BMPR1B: variants seen among roughly 807,000 people sequenced by gnomAD.
BMPR1B encodes bone morphogenetic protein receptor type-1B.
In BMPR1B, 12 loss-of-function variants were observed where a neutral mutation model predicts 59.1. The ratio of observed to expected loss-of-function variants is 0.20; its 90% confidence interval spans 0.13 to 0.33. The LOEUF (loss-of-function observed/expected upper bound fraction) is 0.33. Among genes scored for constraint, BMPR1B ranks in the 10% least tolerant of loss-of-function variants. The probability of loss-of-function intolerance (pLI) is 1.00; values close to 1 mark genes in which losing one functional copy is unlikely to be tolerated. For missense variants in BMPR1B, 550 were observed against 610.9 expected (o/e 0.90, Z 1.05); for synonymous variants, 237 against 207.3 (o/e 1.14, Z -1.23).
chr4:94,991,415 A>G lies in BMPR1B; in HGVS notation c.-112-4625A>G, dbSNP rs10031567. Among the ~76,000 whole-genome samples, 1,136 of 152,336 alleles carry G rather than the reference A, an allele frequency of 7.5e-3. 16 individuals are homozygous for G. Among genetic ancestry groups the G allele is most frequent in the African/African-American group, 0.026 (1,087 of 41,582 alleles). ...GGCTCAGTTTAGGGACTTGAAGTCT[A>G]TGCTGTTATTGAACCTATATTCTAT... On this transcript the variant is annotated intron_variant, in intron 2 of 12. Transcript: ENST00000515059.
chr4:95,133,799 G>A (rs1733557884), intron 10 of BMPR1B, among the ~76,000 whole-genome samples: 1 of 151,376 alleles, frequency 6.6e-6, no homozygotes, highest in Non-Finnish European at 1.5e-5. Flanking sequence ...CAAACTCCTG[G>A]ACTCAAGTGA....
intron 2 of BMPR1B, among the ~76,000 whole-genome samples, chr4:94,883,861 C>G (rs1408863543): frequency 6.6e-6 from 1 of 152,026 alleles, no homozygotes; most frequent in Admixed American, 6.6e-5. Context: ...ACTGTTGATT[C>G]CCTAGAACCT....
At chr4:95,026,722 C>A (rs1218532155) in intron 3 of BMPR1B, among the ~76,000 whole-genome samples, 2 of 137,260 alleles carry the variant, frequency 1.5e-5, no homozygotes, top group African/African-American at 2.7e-5. Context: ...CTGCCCTGCC[C>A]TACCCTCCCC....
At chr4:95,052,310 A>G (rs1726564711) in intron 3 of BMPR1B, among the ~76,000 whole-genome samples, 1 of 152,182 alleles carries the variant, frequency 6.6e-6, no homozygotes, top group African/African-American at 2.4e-5. Flanking sequence ...TTTTGTTCAG[A>G]AGAATTATTA....
chr4:94,889,596 C>T (rs1456063788), intron 2 of BMPR1B, among the ~76,000 whole-genome samples: 1 of 151,978 alleles, frequency 6.6e-6, no homozygotes, highest in Non-Finnish European at 1.5e-5. Flanking sequence ...AGTTCTGTGC[C>T]TCCTTCCTTT....
intron 3 of BMPR1B, among the ~76,000 whole-genome samples, chr4:95,035,831 T>C (rs1435946941): frequency 6.6e-6 from 1 of 152,148 alleles, no homozygotes; most frequent in Non-Finnish European, 1.5e-5. Flanking sequence ...ATGATGATAT[T>C]TGGATGGGAA....
At chr4:94,759,435 T>C (rs1721670463) in intron 1 of BMPR1B, among the ~76,000 whole-genome samples, 1 of 152,192 alleles carries the variant, frequency 6.6e-6, no homozygotes, top group Non-Finnish European at 1.5e-5. Context: ...TGCAAATAAT[T>C]TGAAAAAGCA....
At chr4:94,790,127 A>T (rs966463973) in intron 1 of BMPR1B, among the ~76,000 whole-genome samples, 2 of 152,162 alleles carry the variant, frequency 1.3e-5, no homozygotes, top group African/African-American at 4.8e-5. Context: ...CTGTATTGGT[A>T]AGGTTTCTAG....
intron 2 of BMPR1B, among the ~76,000 whole-genome samples, chr4:94,888,912 G>A (rs1727286123): frequency 6.6e-6 from 1 of 151,538 alleles, no homozygotes; most frequent in Non-Finnish European, 1.5e-5. Context: ...GGAAACCATT[G>A]TTTCTTACAC....
chr4:95,019,335 G>A (rs551999591), intron 3 of BMPR1B, among the ~76,000 whole-genome samples: 29 of 152,228 alleles, frequency 1.9e-4, no homozygotes, highest in South Asian at 1.0e-3. Context: ...TTAGAATAAT[G>A]TTTTCTCTGG....
intron 1 of BMPR1B, among the ~76,000 whole-genome samples, chr4:94,832,481 T>C (rs1179201457): frequency 6.6e-6 from 1 of 152,154 alleles, no homozygotes; most frequent in Non-Finnish European, 1.5e-5. Flanking sequence ...ATTGGTCTCA[T>C]GTAGAAAGGT....
At chr4:95,026,633 A>AGTT (rs1238996634) in intron 3 of BMPR1B, among the ~76,000 whole-genome samples, 1 of 151,978 alleles carries the variant, frequency 6.6e-6, no homozygotes, top group Non-Finnish European at 1.5e-5. Flanking sequence ...AGGGTGCTAT[A>AGTT]GTTGTTTGTT....
chr4:95,025,315 G>T (rs1213593962), intron 3 of BMPR1B, among the ~76,000 whole-genome samples: 1 of 152,146 alleles, frequency 6.6e-6, no homozygotes, highest in Non-Finnish European at 1.5e-5. Context: ...AGGCAGTGAA[G>T]TCATGTGTGT....
intron 1 of BMPR1B, among the ~76,000 whole-genome samples, chr4:94,814,301 T>C (rs1387722689): frequency 1.3e-5 from 2 of 152,258 alleles, no homozygotes; most frequent in Admixed American, 6.5e-5. Context: ...ACTTAAGAGA[T>C]GTTTAACTTG....
chr4:95,069,032 T>C (rs1036394922), intron 3 of BMPR1B, among the ~76,000 whole-genome samples: 1 of 152,214 alleles, frequency 6.6e-6, no homozygotes. Flanking sequence ...TTTTTACCAA[T>C]AGGAAATGAC....
At chr4:95,049,573 T>C (rs1038933122) in intron 3 of BMPR1B, among the ~76,000 whole-genome samples, 1 of 151,626 alleles carries the variant, frequency 6.6e-6, no homozygotes, top group Non-Finnish European at 1.5e-5. Flanking sequence ...ATAGGAGCTG[T>C]CTGTTCCAGT....
chr4:94,772,930 A>G (rs1305773476), intron 1 of BMPR1B, among the ~76,000 whole-genome samples: 2 of 152,112 alleles, frequency 1.3e-5, no homozygotes, highest in South Asian at 2.1e-4. Flanking sequence ...AAACCATATA[A>G]TAAGGAAGGA....
chr4:95,005,412 A>G (rs966745232), intron 3 of BMPR1B, among the ~76,000 whole-genome samples: 4 of 152,018 alleles, frequency 2.6e-5, no homozygotes, highest in Non-Finnish European at 5.9e-5. Flanking sequence ...CAGATGGCCA[A>G]TTGTACATTG....
chr4:95,075,715 G>T (rs1198913684), intron 3 of BMPR1B, among the ~76,000 whole-genome samples: 4 of 141,792 alleles, frequency 2.8e-5, no homozygotes, highest in Non-Finnish European at 4.5e-5. Context: ...TTTTTTGAGA[G>T]AATTTTCATA....
Sources: gnomAD v4.1 joint callset for allele counts (sites outside exome capture counted in the v4.1 genomes callset) on GRCh38, gnomAD v4.1.1 for gene constraint, MANE v1.5 for transcripts, NCBI Gene and HGNC (gene_info 2026-07-23, HGNC 2026-07-21) for gene names.